API5: variants seen among roughly 807,000 people sequenced by gnomAD.
API5 encodes the protein apoptosis inhibitor 5.
Under a neutral mutation model 71.9 loss-of-function variants are expected in API5, and 6 were observed. The ratio of observed to expected loss-of-function variants is 0.08; its 90% CI spans 0.05 to 0.16. The LOEUF is 0.16. Ranked by LOEUF, API5 falls within the 10% of genes least tolerant of loss-of-function variation. The pLI, the probability that API5 is intolerant of heterozygous loss-of-function variation, is 1.00. For synonymous variants in API5, 189 were observed against 221.3 expected (o/e 0.85, Z 1.30); for missense variants, 332 against 612.8 (o/e 0.54, Z 4.84).
rs1229912643 is a variant in API5 at position 43,318,700 on chromosome 11, T to C, written c.130T>C (p.Leu44=). Residue 44 remains leucine, a synonymous_variant, in exon 2 of 14, where the codon TTA becomes CTA. Transcript: ENST00000531273. ...GAAAGGTGGTACTAAGGAAAAGCGA[T>C]TAGCAGCTCAATTTATTCCGAAATT... ...GVKGGTKEKR[L]AAQFIPKFFK... 1.2e-6 allele frequency: 2 copies of C among 1,613,726 alleles called. No individual in the cohort carries two copies. The highest frequency in any genetic ancestry group is 1.7e-5 in the Admixed American group (1 of 60,030).
intron 1 of API5, among the ~76,000 whole-genome samples, chr11:43,315,524 A>G (rs1854639556): frequency 6.6e-6 from 1 of 152,184 alleles, no homozygotes; most frequent in Non-Finnish European, 1.5e-5. Context: ...AAGAAAAACC[A>G]TTTACACAGA....
Position 43,321,392 on chromosome 11 carries a change from C to G in API5, c.326-19C>G, listed in dbSNP as rs1276050269. The G allele has an allele frequency of 6.3e-7, 1 of 1,589,556 alleles. No individual in the cohort carries two copies. Among genetic ancestry groups the G allele is most frequent in the African/African-American group, 1.3e-5 (1 of 74,188 alleles). ...TTAAATTTGTTTTATATTCATTATG[C>G]CACTTTTTCTTTATCCAGATGACTC... On this transcript the variant is annotated intron_variant, in intron 3 of 13. Coordinates refer to ENST00000531273, the MANE Select transcript of API5 (RefSeq NM_001142930.2).
intron 4 of API5, 99 bp downstream of exon 4, chr11:43,321,575 TC>T: frequency 1.0e-6 from 1 of 972,016 alleles, no homozygotes; most frequent in Non-Finnish European, 1.5e-6. Flanking sequence ...TACCCAGAGT[TC>T]TATTTCATAA....
intron 6 of API5, among the ~76,000 whole-genome samples, chr11:43,323,920 T>C (rs1310925787): frequency 6.6e-6 from 1 of 152,212 alleles, no homozygotes; most frequent in East Asian, 1.9e-4. Context: ...GCATTTCAGA[T>C]TTGGGATTTT....
At chr11:43,330,123 G>C in intron 10 of API5, 65 bp downstream of exon 10, 2 of 1,330,272 alleles carry the variant, frequency 1.5e-6, no homozygotes, top group South Asian at 2.5e-5. Flanking sequence ...GACTTGTGTT[G>C]GGAGTTTTTC....
chr11:43,335,993 T>C lies in API5; in HGVS notation c.1491T>C (p.Tyr497=). The C allele has an allele frequency of 6.2e-7, 1 of 1,613,712 alleles. No homozygotes were observed. The highest frequency in any genetic ancestry group is 8.5e-7 in the Non-Finnish European group (1 of 1,179,926). The change falls in exon 13 of 14, where the codon TAT becomes TAC. Residue 497 remains tyrosine (Y), a splice_region_variant and synonymous_variant. Transcript: ENST00000531273. ...KYSSNLGNFN[Y]EQRGAFRGSR... ...GCAGCAATTTGGGCAACTTTAATTA[T>C]GGTGAGCGTTTCCGTTTGGGTACAA...
intron 13 of API5, among the ~76,000 whole-genome samples, chr11:43,338,393 T>C (rs977320162): frequency 6.6e-6 from 1 of 152,272 alleles, no homozygotes; most frequent in Admixed American, 6.5e-5. Flanking sequence ...TTCCTTCCAG[T>C]GCACAAAGTT....
intron 1 of API5, among the ~76,000 whole-genome samples, chr11:43,312,933 C>G (rs75989077): frequency 6.6e-6 from 1 of 151,768 alleles, no homozygotes; most frequent in Admixed American, 6.6e-5. Context: ...ATGGTGAAAC[C>G]CTGTCTCTAC....
rs1854908539 is a variant in API5 at position 43,322,011 on chromosome 11, A to G, written c.418A>G (p.Ile140Val). ...GACTTTAGGTGGGTTGTTCAGCCAA[A>G]TACTTCAAGGAGAGGACATTGTTAG... ...KGTLGGLFSQ[I>V]LQGEDIVRER... Residue 140 changes from isoleucine (I) to valine (V), a missense_variant, in exon 5 of 14, where the codon ATA becomes GTA. By Grantham distance (29) the Ile-to-Val change is conservative. This residue lies in a region of API5 where 127 missense variants were observed against 237.6 expected (regional missense o/e 0.53). Transcript: ENST00000531273. The G allele has an allele frequency of 1.2e-6, 2 of 1,612,750 alleles. No homozygotes were observed. Among genetic ancestry groups the G allele is most frequent in the African/African-American group, 1.3e-5 (1 of 75,028 alleles).
chr11:43,312,258 C>T lies in API5; in HGVS notation c.69+62C>T, dbSNP rs189716211. Reference sequence around the variant, plus strand: ...GCTCCGCGGCCTTTCGAAAGCGCTTCCCGCCGCACTCCCCGGGCCGAGCGG... The same window carrying T: ...GCTCCGCGGCCTTTCGAAAGCGCTTTCCGCCGCACTCCCCGGGCCGAGCGG... On this transcript the variant is annotated intron_variant, in intron 1 of 13. Transcript: ENST00000531273. The T allele has an allele frequency of 2.7e-3, 4,219 of 1,548,120 alleles. 9 individuals carry two copies. Among genetic ancestry groups the T allele is most frequent in the Non-Finnish European group, 3.3e-3 (3,762 of 1,128,482 alleles).
chr11:43,336,963 G>A (rs1467724189), intron 13 of API5, among the ~76,000 whole-genome samples: 5 of 137,118 alleles, frequency 3.6e-5, no homozygotes, highest in African/African-American at 1.1e-4. Context: ...AGTGGAGATC[G>A]CACCACTGTA....
chr11:43,336,078 C>T (rs759090908), intron 13 of API5, 84 bp downstream of exon 13: 3 of 1,511,218 alleles, frequency 2.0e-6, no homozygotes, highest in Non-Finnish European at 2.7e-6. Context: ...TAATTATATA[C>T]AGTGTCATGG....
chr11:43,322,181 A>C, intron 5 of API5, 45 bp downstream of exon 5: 1 of 1,537,516 alleles, frequency 6.5e-7, no homozygotes, highest in Non-Finnish European at 8.8e-7. Context: ...AAAGCAAAAG[A>C]GCATACTTGA....
intron 13 of API5, among the ~76,000 whole-genome samples, chr11:43,337,588 A>C (rs1336798971): frequency 6.6e-6 from 1 of 152,192 alleles, no homozygotes; most frequent in African/African-American, 2.4e-5. Context: ...CTCTTATCTG[A>C]AAAATGAGGT....
At chr11:43,314,276 A>G (rs1283027771) in intron 1 of API5, among the ~76,000 whole-genome samples, 5 of 152,188 alleles carry the variant, frequency 3.3e-5, no homozygotes, top group Admixed American at 2.6e-4. Flanking sequence ...GTAGGGGGAT[A>G]GGGTGAAAGC....
intron 13 of API5, among the ~76,000 whole-genome samples, chr11:43,337,665 G>A (rs962106569): frequency 6.6e-5 from 10 of 152,170 alleles, no homozygotes; most frequent in Admixed American, 3.3e-4. Context: ...AGGATTCTCC[G>A]TTACTTGGTT....
intron 5 of API5, among the ~76,000 whole-genome samples, chr11:43,323,077 ACT>A (rs1260185048): frequency 6.6e-6 from 1 of 151,200 alleles, no homozygotes; most frequent in East Asian, 1.9e-4. Context: ...TTTTAAAGTC[ACT>A]CCCCTAAATA....
intron 1 of API5, among the ~76,000 whole-genome samples, chr11:43,313,765 G>C (rs1457792307): frequency 6.6e-6 from 1 of 151,022 alleles, no homozygotes; most frequent in Non-Finnish European, 1.5e-5. Flanking sequence ...GTGTAGGTCG[G>C]TTGTGAAGGA....
intron 11 of API5, among the ~76,000 whole-genome samples, chr11:43,332,663 C>G (rs1855296500): frequency 6.6e-6 from 1 of 152,074 alleles, no homozygotes; most frequent in Admixed American, 6.5e-5. Flanking sequence ...ATATTCCATC[C>G]TGGAACACCC....
Sources: allele counts gnomAD v4.1 joint callset (sites outside exome capture counted in the v4.1 genomes callset), GRCh38; gene constraint gnomAD v4.1.1; regional missense constraint gnomAD v4.1.1; transcripts MANE v1.5; gene names NCBI Gene and HGNC (gene_info 2026-07-23, HGNC 2026-07-21).